Variants in ALOX12B observed in about 807,000 individuals in gnomAD.
ALOX12B encodes the protein arachidonate 12-lipoxygenase, 12R type, also known as arachidonate 12-lipoxygenase, 12R-type.
ALOX12B carries 47 observed loss-of-function variants against 78.9 expected under a neutral mutation model. The ratio of observed to expected loss-of-function variants is 0.60; its 90% confidence interval spans 0.47 to 0.76. ALOX12B has a LOEUF of 0.76. Ranked by LOEUF, ALOX12B falls within the 30% of genes least tolerant of loss-of-function variation. ALOX12B has a pLI of 0.00. For missense variants in ALOX12B, 805 were observed against 922.6 expected (o/e 0.87, Z 1.65); for synonymous variants, 370 against 374.5 (o/e 0.99, Z 0.14).
At chr17:8,081,347 G>A (rs1977214780) in intron 2 of ALOX12B, 160 bp from the exon 3 acceptor site, 3 of 717,738 alleles carry the variant, frequency 4.2e-6, no homozygotes, top group Non-Finnish European at 5.1e-6. Context: ...GTCCTGTCCG[G>A]AAATATCAGA....
At chr17:8,074,299 T>G (rs1977040011) in intron 12 of ALOX12B, among the ~76,000 whole-genome samples, 1 of 152,178 alleles carries the variant, frequency 6.6e-6, no homozygotes, top group South Asian at 2.1e-4. Flanking sequence ...GTGTCCTGGT[T>G]GCCATGGTGA....
intron 2 of ALOX12B, among the ~76,000 whole-genome samples, chr17:8,081,916 T>C (rs1018316043): frequency 2.6e-5 from 4 of 152,182 alleles, no homozygotes; most frequent in African/African-American, 9.7e-5. Context: ...GTGCTGGGAT[T>C]ATAGGTGTGA....
In ALOX12B at chr17:8,079,639, G is replaced by A; in HGVS notation, c.928-100C>T. 1 of 1,532,768 alleles carries A rather than the reference G, an allele frequency of 6.5e-7. No homozygotes were observed. The highest frequency in any genetic ancestry group is 1.2e-5 in the South Asian group (1 of 82,508). 94.9% of individuals were successfully genotyped at this position (1,532,768 alleles called of 1,614,324 possible). ...GGCGCTGGCGACTAGGGGCAGGGGT[G>A]GGACGGGGACAGGGACGCGGGGTGC... On this transcript the variant is annotated intron_variant, in intron 7 of 14. Transcript: ENST00000647874. The surrounding 1 kb of genome is among the most constrained non-coding windows in gnomAD (Gnocchi z 6.4).
At chr17:8,083,615 G>C (rs1323121306) in intron 2 of ALOX12B, among the ~76,000 whole-genome samples, 1 of 152,128 alleles carries the variant, frequency 6.6e-6, no homozygotes, top group East Asian at 1.9e-4. Context: ...TGTAATCCCA[G>C]CTACTCTGGA....
In ALOX12B at chr17:8,080,815, G is replaced by T. The variant is rs772446773; in HGVS notation, c.528-35C>A. 6.2e-7 allele frequency: 1 copy of T among 1,614,002 alleles called. No homozygotes were observed. The highest frequency in any genetic ancestry group is 1.7e-5 in the Admixed American group (1 of 60,012). On this transcript the variant is annotated intron_variant, in intron 4 of 14. Transcript: ENST00000647874. This position sits in a 1 kb window ranked among gnomAD's most constrained non-coding sequence, Gnocchi z 4.8. ...GAAGCGCAGGGCAACTGGGATCCAG[G>T]GGGCGGGGAGGAGGCAGGCGCCCAG...
rs764115404 is a variant in ALOX12B at position 8,080,105 on chromosome 17, A to G, written c.754+130T>C. On this transcript the variant is annotated intron_variant, in intron 6 of 14. Transcript: ENST00000647874. The surrounding 1 kb of genome is among the most constrained non-coding windows in gnomAD (Gnocchi z 4.8). ...GAGGAGCCCGGTGCGACATTTTCCA[A>G]GAAGCCGCCAGAGGGCGCGCGCGCG... The G allele has an allele frequency of 6.8e-7, 1 of 1,473,664 alleles. No individual in the cohort carries two copies. Among genetic ancestry groups the G allele is most frequent in the South Asian group, 1.1e-5 (1 of 87,696 alleles). 91.3% of individuals were successfully genotyped at this position (1,473,664 alleles called of 1,614,324 possible).
At chr17:8,075,946 T>C (rs919962777) in intron 11 of ALOX12B, among the ~76,000 whole-genome samples, 1 of 152,058 alleles carries the variant, frequency 6.6e-6, no homozygotes, top group African/African-American at 2.4e-5. Flanking sequence ...GCATCTCAGA[T>C]CCCAGAAGCG....
At chr17:8,078,150 T>C (rs962927352) in intron 8 of ALOX12B, among the ~76,000 whole-genome samples, 2 of 149,722 alleles carry the variant, frequency 1.3e-5, no homozygotes, top group Admixed American at 1.3e-4. Context: ...TTTATTTATT[T>C]ATTTATTTAT....
chr17:8,075,116 T>C (rs1977054299), intron 12 of ALOX12B, among the ~76,000 whole-genome samples: 1 of 152,132 alleles, frequency 6.6e-6, no homozygotes, highest in Admixed American at 6.5e-5. Context: ...ACCACTGTCT[T>C]TTTCCCTTTT....
At chr17:8,081,388 CT>C (rs1193004979) in intron 2 of ALOX12B, 1 of 652,160 alleles carries the variant, frequency 1.5e-6, no homozygotes, top group African/African-American at 1.8e-5. Context: ...CCTCTTTCCT[CT>C]TGCTCTACTG....
rs1185474362 is a variant in ALOX12B, at chr17:8,076,279, A to G, written c.1428T>C (p.Tyr476=). 1 of 1,614,026 alleles carries G rather than the reference A, an allele frequency of 6.2e-7. No individual in the cohort carries two copies. The highest frequency in any genetic ancestry group is 8.5e-7 in the Non-Finnish European group (1 of 1,179,978). Residue 476 remains tyrosine (Y), a synonymous_variant, in exon 11 of 15, where the codon TAT becomes TAC. Transcript: ENST00000647874. ...VMVRALSELT[Y]DSLYLPNDFV... Reference sequence around the variant, plus strand: ...AGTCATTGGGGAGGTAGAGGCTGTCATAGGTGAGCTCCGACAGAGCCCGTA... The same window carrying G: ...AGTCATTGGGGAGGTAGAGGCTGTCGTAGGTGAGCTCCGACAGAGCCCGTA...
At chr17:8,086,308 G>A in intron 1 of ALOX12B, 88 bp from the exon 2 acceptor site, 1 of 1,327,282 alleles carries the variant, frequency 7.5e-7, no homozygotes, top group South Asian at 1.2e-5. Flanking sequence ...CCTAGGCCCT[G>A]CTCATGCTGC....
At position 8,073,139 on chromosome 17, in the gene ALOX12B, G is replaced by A. The variant is rs762902391; in HGVS notation, c.1926+9C>T. The A allele has an allele frequency of 2.5e-6, 4 of 1,613,914 alleles. No individual in the cohort carries two copies. Among genetic ancestry groups the A allele is most frequent in the South Asian group, 2.2e-5 (2 of 91,074 alleles). Reference sequence around the variant, plus strand: ...CCCTGTGCTCAGAGTCCCCCATCCCGTCTCGCACCCTGTCGTCAGGCTCTC... The same window carrying A: ...CCCTGTGCTCAGAGTCCCCCATCCCATCTCGCACCCTGTCGTCAGGCTCTC... On this transcript the variant is annotated intron_variant, in intron 14 of 14. Transcript: ENST00000647874.
intron 10 of ALOX12B, 69 bp downstream of exon 10, chr17:8,076,588 C>A: frequency 6.7e-7 from 1 of 1,495,444 alleles, no homozygotes; most frequent in Non-Finnish European, 9.1e-7. Flanking sequence ...GGGAAGTCCT[C>A]CTCTTCATCT....
chr17:8,074,480 C>T (rs1219907050), intron 12 of ALOX12B, among the ~76,000 whole-genome samples: 2 of 152,048 alleles, frequency 1.3e-5, no homozygotes, highest in Admixed American at 6.6e-5. Context: ...CTCCCCTCAC[C>T]ACCAAACTCA....
At position 8,079,022 on chromosome 17, in the gene ALOX12B, C is replaced by T. The variant is rs1282446257; in HGVS notation, c.1071+374G>A. 6.6e-6 allele frequency among the ~76,000 whole-genome samples: 1 copy of T among 151,858 alleles called. No individual in the cohort carries two copies. The highest frequency in any genetic ancestry group is 1.5e-5 in the Non-Finnish European group (1 of 67,994). ...ACGCCATTTTCCTGCCTCAGCCTCC[C>T]GAGTAGCTGGGACTACAGGCGCCCG... On this transcript the variant is annotated intron_variant, in intron 8 of 14. Transcript: ENST00000647874. This position sits in a 1 kb window ranked among gnomAD's most constrained non-coding sequence, Gnocchi z 6.4.
At chr17:8,078,968 G>A (rs1292221487) in intron 8 of ALOX12B, among the ~76,000 whole-genome samples, 1 of 148,740 alleles carries the variant, frequency 6.7e-6, no homozygotes, top group East Asian at 2.0e-4. Context: ...CATGATCTAG[G>A]CTCACTGCAA....
intron 14 of ALOX12B, 63 bp downstream of exon 14, chr17:8,073,085 C>T: frequency 6.2e-7 from 1 of 1,610,808 alleles, no homozygotes; most frequent in Non-Finnish European, 8.5e-7. Context: ...CGCTAGTTAT[C>T]CTCCCCCATC....
At chr17:8,084,293 T>G (rs1431338413) in intron 2 of ALOX12B, among the ~76,000 whole-genome samples, 3 of 152,140 alleles carry the variant, frequency 2.0e-5, no homozygotes, top group Non-Finnish European at 4.4e-5. Context: ...AGCCCATCAT[T>G]TCCCCTCAAG....
Sources: gnomAD v4.1 joint callset for allele counts (sites outside exome capture counted in the v4.1 genomes callset) on GRCh38, gnomAD v4.1.1 for gene constraint, Gnocchi (gnomAD v3.1) non-coding constraint, MANE v1.5 for transcripts, NCBI Gene and HGNC (gene_info 2026-07-23, HGNC 2026-07-21) for gene names.